ALB: variants seen among roughly 807,000 people sequenced by gnomAD.
ALB encodes the protein serum albumin.
ALB carries 37 observed loss-of-function variants against 74.5 expected under a neutral mutation model. That is an observed-to-expected ratio of 0.50 (90% confidence interval 0.38 to 0.65). The LOEUF (loss-of-function observed/expected upper bound fraction) is 0.65. Among genes scored for constraint, ALB ranks in the 30% least tolerant of loss-of-function variants. The probability of loss-of-function intolerance (pLI) is 0.00; values close to 1 mark genes in which losing one functional copy is unlikely to be tolerated. For synonymous variants in ALB, 249 were observed against 251.6 expected (o/e 0.99, Z 0.10); for missense variants, 685 against 718.7 (o/e 0.95, Z 0.54).
chr4:73,413,592 T>C lies in ALB; in HGVS notation c.1016T>C (p.Val339Ala). The change falls in exon 8 of 15, where the codon GTT becomes GCT. Residue 339 changes from valine to alanine, a missense_variant. Val to Ala is a moderately conservative substitution (Grantham distance 64, BLOSUM62 0). Coordinates refer to ENST00000295897, the MANE Select transcript of ALB (RefSeq NM_000477.7). ...LAADFVESKD[V>A]CKNYAEAKDV... ...GCTGATTTTGTTGAAAGTAAGGATG[T>C]TTGCAAAAACTATGCTGAGGCAAAG... The C allele has an allele frequency of 6.2e-7, 1 of 1,614,174 alleles. No individual in the cohort carries two copies. The highest frequency in any genetic ancestry group is 8.5e-7 in the Non-Finnish European group (1 of 1,180,020).
At chr4:73,406,894 A>G (rs758589275) in intron 3 of ALB, 133 bp downstream of exon 3, 232 of 998,400 alleles carry the variant, frequency 2.3e-4, no homozygotes, top group Middle Eastern at 3.1e-4. Context: ...AAAGTTGCTC[A>G]TAGACTGATA....
At chr4:73,415,942 C>T (rs1719000706) in intron 9 of ALB, among the ~76,000 whole-genome samples, 1 of 152,066 alleles carries the variant, frequency 6.6e-6, no homozygotes, top group African/African-American at 2.4e-5. Flanking sequence ...CCATCTTTGC[C>T]CCTATTTTAG....
Position 73,408,652 on chromosome 4 carries a change from A to G in ALB, c.329A>G (p.Glu110Gly). The G allele has an allele frequency of 1.2e-6, 2 of 1,614,078 alleles. No individual in the cohort carries two copies. The highest frequency in any genetic ancestry group is 2.2e-5 in the South Asian group (2 of 91,076). Residue 110 changes from glutamate (E) to glycine (G), a missense_variant, in exon 4 of 15, where the codon GAA becomes GGA. Physicochemically the swap from Glu to Gly is moderately conservative, Grantham distance 98. Coordinates refer to ENST00000295897, the MANE Select transcript of ALB (RefSeq NM_000477.7). ...GCAACTCTTCGTGAAACCTATGGTG[A>G]AATGGCTGACTGCTGTGCAAAACAA... ...TVATLRETYG[E>G]MADCCAKQEP... is the part of the protein sequence containing the mutation.
In ALB at chr4:73,418,022, G is replaced by C. The variant is rs992676033; in HGVS notation, c.1429-66G>C. 2.0e-6 allele frequency: 3 copies of C among 1,500,240 alleles called. No homozygotes were observed. In the African/African-American group the frequency reaches 4.1e-5, roughly 21 times the overall value. The allele number at this position is 1,500,240 out of a possible 1,614,324, so 92.9% of individuals were successfully genotyped here. On this transcript the variant is annotated intron_variant, in intron 11 of 14. Transcript: ENST00000295897. ...TGCCACCATGCCTGGCTAATTTTTTGTATTTTTAGTAGAAAATTTTCAGCT... is the reference window on the plus strand; with the variant it reads ...TGCCACCATGCCTGGCTAATTTTTTCTATTTTTAGTAGAAAATTTTCAGCT...
chr4:73,417,956 C>T, intron 11 of ALB, 132 bp from the exon 12 acceptor site: 2 of 882,248 alleles, frequency 2.3e-6, no homozygotes, highest in Non-Finnish European at 3.6e-6. Flanking sequence ...TCAAGCCATT[C>T]TCCTGCCTCA....
intron 3 of ALB, 66 bp downstream of exon 3, chr4:73,406,827 A>T: frequency 5.0e-6 from 8 of 1,586,726 alleles, no homozygotes; most frequent in South Asian, 2.3e-5. Context: ...TTTCAAAGGA[A>T]TTTTTTTTAA....
At chr4:73,416,750 T>A (rs1719022896) in intron 10 of ALB, among the ~76,000 whole-genome samples, 1 of 152,202 alleles carries the variant, frequency 6.6e-6, no homozygotes, top group Non-Finnish European at 1.5e-5. Flanking sequence ...CACAAAAATG[T>A]AACAAATGAA....
Position 73,419,487 on chromosome 4 carries a change from CT to C in ALB, c.1653-15del. On this transcript the variant is annotated intron_variant, in intron 12 of 14. Coordinates refer to ENST00000295897, the MANE Select transcript of ALB (RefSeq NM_000477.7). ...AATGTTTTTTCTGTTTTTTTTTTTTCTTTTTCCATTCAAACTCAGTGCACTT... is the reference window on the plus strand; with the variant it reads ...AATGTTTTTTCTGTTTTTTTTTTTTCTTTTCCATTCAAACTCAGTGCACTT... The C allele has an allele frequency of 6.8e-7, 1 of 1,469,402 alleles. No homozygotes were observed. Among genetic ancestry groups the C allele is most frequent in the Non-Finnish European group, 9.0e-7 (1 of 1,111,332 alleles). 91.0% of individuals were successfully genotyped at this position (1,469,402 alleles called of 1,614,324 possible).
intron 8 of ALB, among the ~76,000 whole-genome samples, 176 bp downstream of exon 8, chr4:73,413,810 G>A (rs1577939151): frequency 6.6e-6 from 1 of 152,100 alleles, no homozygotes; most frequent in Admixed American, 6.6e-5. Flanking sequence ...TGAATACATT[G>A]TCATAAAATA....
At position 73,421,391 on chromosome 4, in the gene ALB, T is replaced by G. The variant is rs375979031; in HGVS notation, c.*323T>G. 86 of 288,866 alleles carry G rather than the reference T, an allele frequency of 3.0e-4. 1 individual carries two copies. The South Asian group carries it at 8.6e-3, about 29-fold the overall frequency. 17.9% of individuals were successfully genotyped at this position (288,866 alleles called of 1,614,324 possible). On this transcript the variant is annotated 3_prime_UTR_variant, in exon 15 of 15. Coordinates refer to ENST00000295897, the MANE Select transcript of ALB (RefSeq NM_000477.7). ...TCTAGTTTCTTGTGGGCTAATTAAATAAATCATTAATACTCTTCTAAGTTA... is the reference window on the plus strand; with the variant it reads ...TCTAGTTTCTTGTGGGCTAATTAAAGAAATCATTAATACTCTTCTAAGTTA...
intron 9 of ALB, 135 bp from the exon 10 acceptor site, chr4:73,416,121 C>T (rs990263096): frequency 5.8e-5 from 39 of 677,648 alleles, no homozygotes; most frequent in East Asian, 8.4e-5. Flanking sequence ...TGTGACAGAG[C>T]GGCATTGATA....
rs574714346 is a variant in ALB at position 73,419,352 on chromosome 4, A to G, written c.1653-155A>G. 30 of 742,754 alleles carry G rather than the reference A, an allele frequency of 4.0e-5. No homozygotes were observed. The African/African-American group carries it at 4.9e-4, about 12-fold the overall frequency. 46.0% of individuals were successfully genotyped at this position (742,754 alleles called of 1,614,324 possible). On this transcript the variant is annotated intron_variant, in intron 12 of 14. Coordinates refer to ENST00000295897, the MANE Select transcript of ALB (RefSeq NM_000477.7). Reference sequence around the variant, plus strand: ...CATGCAGATGAGAATATTGAGACTTATAGCGGTATGCCTGAGCCCCAAAGT... The same window carrying G: ...CATGCAGATGAGAATATTGAGACTTGTAGCGGTATGCCTGAGCCCCAAAGT...
chr4:73,419,196 T>C (rs1719087788), intron 12 of ALB: 1 of 251,868 alleles, frequency 4.0e-6, no homozygotes, highest in South Asian at 7.4e-5. Context: ...ATAATTGCAA[T>C]GACATACTTC....
chr4:73,412,837 C>T (rs2149328362), intron 7 of ALB, among the ~76,000 whole-genome samples: 1 of 152,240 alleles, frequency 6.6e-6, no homozygotes, highest in South Asian at 2.1e-4. Flanking sequence ...CTCTATATTC[C>T]TTCCCTTAAT....
At chr4:73,406,788 C>A (rs747124517) in intron 3 of ALB, 27 bp downstream of exon 3, 16 of 1,612,770 alleles carry the variant, frequency 9.9e-6, no homozygotes, top group Non-Finnish European at 9.3e-6. Context: ...TGTGGAGATT[C>A]TTTCTTCTGT....
At chr4:73,414,098 A>G (rs140904218) in intron 8 of ALB, among the ~76,000 whole-genome samples, 1 of 152,234 alleles carries the variant, frequency 6.6e-6, no homozygotes, top group Non-Finnish European at 1.5e-5. Context: ...TATTTGGTGA[A>G]AAGACCAGAA....
At chr4:73,404,530 TG>T in intron 1 of ALB, 124 bp downstream of exon 1, 1 of 827,724 alleles carries the variant, frequency 1.2e-6, no homozygotes. Context: ...CATAGTATTT[TG>T]TATTTGTGAA....
In ALB at chr4:73,410,235, G is replaced by A. The variant is rs545268057; in HGVS notation, c.616-77G>A. 4 of 1,122,274 alleles carry A rather than the reference G, an allele frequency of 3.6e-6. No individual in the cohort carries two copies. The East Asian group carries it at 9.4e-5, about 26-fold the overall frequency. 69.5% of individuals were successfully genotyped at this position (1,122,274 alleles called of 1,614,324 possible). On this transcript the variant is annotated intron_variant, in intron 5 of 14. Transcript: ENST00000295897. ...TGCCTTCAAAATTTAATTTGGCACA[G>A]TCTCATCTGAGCTTATGGAGGGGTG...
intron 1 of ALB, chr4:73,404,788 T>G (rs961209820): frequency 2.9e-6 from 1 of 347,514 alleles, no homozygotes; most frequent in African/African-American, 2.1e-5. Flanking sequence ...AAATAGAACT[T>G]GTATTTATAT....
Sources: allele counts gnomAD v4.1 joint callset (sites outside exome capture counted in the v4.1 genomes callset), GRCh38; gene constraint gnomAD v4.1.1; transcripts MANE v1.5; gene names NCBI Gene and HGNC (gene_info 2026-07-23, HGNC 2026-07-21).